Variants in CA10 observed in about 807,000 individuals in gnomAD.
CA10 encodes carbonic anhydrase-related protein 10.
A neutral mutation model predicts 44.2 loss-of-function variants in CA10; 14 were observed. The ratio of observed to expected loss-of-function variants is 0.32; its 90% confidence interval spans 0.21 to 0.50. CA10 has a LOEUF of 0.50. Among genes scored for constraint, CA10 ranks in the 20% least tolerant of loss-of-function variants. The probability of loss-of-function intolerance (pLI) is 0.99; values close to 1 mark genes in which losing one functional copy is unlikely to be tolerated. For synonymous variants in CA10, 159 were observed against 141.6 expected (o/e 1.12, Z -0.87); for missense variants, 350 against 409.7 (o/e 0.85, Z 1.26).
chr17:51,934,688 A>G (rs1365228163), intron 2 of CA10, among the ~76,000 whole-genome samples: 4 of 152,094 alleles, frequency 2.6e-5, no homozygotes, highest in Admixed American at 2.6e-4. Flanking sequence ...GCCTCTGAGG[A>G]GACCTGATGG....
intron 2 of CA10, among the ~76,000 whole-genome samples, chr17:52,031,761 T>A (rs967744337): frequency 6.6e-6 from 1 of 152,188 alleles, no homozygotes; most frequent in Non-Finnish European, 1.5e-5. Context: ...AATGCTAATA[T>A]CTTCTCCCAT....
intron 2 of CA10, among the ~76,000 whole-genome samples, chr17:52,048,202 T>C (rs1986966585): frequency 6.6e-6 from 1 of 152,032 alleles, no homozygotes; most frequent in Non-Finnish European, 1.5e-5. Context: ...TTCTTGGTTT[T>C]AGTATATATT....
intron 4 of CA10, among the ~76,000 whole-genome samples, chr17:51,705,341 C>T (rs1915730459): frequency 6.6e-6 from 1 of 152,158 alleles, no homozygotes; most frequent in South Asian, 2.1e-4. Context: ...AATGTTTCTT[C>T]CTTTTAGAGC....
chr17:51,995,969 A>G (rs570531953), intron 2 of CA10, among the ~76,000 whole-genome samples: 8 of 152,020 alleles, frequency 5.3e-5, no homozygotes, highest in African/African-American at 1.9e-4. Context: ...ACTCACTATT[A>G]TACTGTCAAA....
intron 2 of CA10, among the ~76,000 whole-genome samples, chr17:52,022,221 C>A (rs1225766130): frequency 4.6e-5 from 7 of 152,084 alleles, no homozygotes; most frequent in Non-Finnish European, 2.9e-5. Flanking sequence ...TACTAGCAAG[C>A]TGAAATCCAG....
chr17:51,787,387 T>C (rs1452582909), intron 3 of CA10, among the ~76,000 whole-genome samples: 1 of 152,222 alleles, frequency 6.6e-6, no homozygotes, highest in South Asian at 2.1e-4. Context: ...TAGGGATTTT[T>C]CCATTTCTCC....
intron 2 of CA10, among the ~76,000 whole-genome samples, chr17:52,020,123 G>A (rs1329256975): frequency 6.6e-6 from 1 of 151,778 alleles, no homozygotes; most frequent in Non-Finnish European, 1.5e-5. Flanking sequence ...CTTTTTAGTG[G>A]ATTGACCCTT....
rs916963943 is a variant in CA10, at chr17:51,830,212, A to G, written c.280-82394T>C. Among the ~76,000 whole-genome samples the G allele has an allele frequency of 6.0e-4, 88 of 147,042 alleles. 1 individual carries two copies. The highest frequency in any genetic ancestry group is 2.0e-3 in the African/African-American group (80 of 40,312). The stretch of plus-strand genomic sequence containing the variant: ...CTCCATCTCAAAAAAAAAAAAAAAA[A>G]AAAAGAAAAAGAAAAAAAAGAAAAA... On this transcript the variant is annotated intron_variant, in intron 3 of 8. Transcript: ENST00000451037.
chr17:52,147,459 A>C (rs1317353703), intron 1 of CA10, among the ~76,000 whole-genome samples: 2 of 151,982 alleles, frequency 1.3e-5, no homozygotes, highest in Non-Finnish European at 2.9e-5. Context: ...GGCTTAGTCA[A>C]GCTCTAATTT....
chr17:51,807,998 A>G (rs931154735), intron 3 of CA10, among the ~76,000 whole-genome samples: 2 of 152,214 alleles, frequency 1.3e-5, no homozygotes, highest in Admixed American at 6.5e-5. Flanking sequence ...AATGCAAGTT[A>G]TACCTCAATA....
intron 3 of CA10, among the ~76,000 whole-genome samples, chr17:51,917,170 G>A (rs1423630893): frequency 6.6e-6 from 1 of 152,140 alleles, no homozygotes; most frequent in Non-Finnish European, 1.5e-5. Flanking sequence ...AGATTTCTGT[G>A]GTGTTAACAC....
chr17:51,857,517 T>C (rs1014475127), intron 3 of CA10, among the ~76,000 whole-genome samples: 2 of 152,160 alleles, frequency 1.3e-5, no homozygotes, highest in African/African-American at 4.8e-5. Flanking sequence ...CACCATACCA[T>C]GCAGCACTAT....
chr17:52,155,008 C>T (rs1466455059), intron 1 of CA10, among the ~76,000 whole-genome samples: 1 of 152,174 alleles, frequency 6.6e-6, no homozygotes, highest in East Asian at 1.9e-4. Context: ...TACAAAGCGC[C>T]AATGTTTTCC....
chr17:51,894,045 C>T (rs1320052217), intron 3 of CA10, among the ~76,000 whole-genome samples: 2 of 152,206 alleles, frequency 1.3e-5, no homozygotes, highest in Middle Eastern at 3.4e-3. Flanking sequence ...TATAACACCA[C>T]TAGAAAAGTA....
chr17:51,741,147 G>A (rs1904446712), intron 4 of CA10, among the ~76,000 whole-genome samples: 1 of 152,204 alleles, frequency 6.6e-6, no homozygotes, highest in Non-Finnish European at 1.5e-5. Flanking sequence ...GTGGCCAAGT[G>A]TTGGCAGTGA....
Position 51,699,771 on chromosome 17 carries a change from G to A in CA10, c.466-46035C>T, listed in dbSNP as rs116797535. ...TCTATTCAATGAAAAATTCTCCCCAGCAGATGTGTATACCAGCTTCATCCC... is the reference window on the plus strand; with the variant it reads ...TCTATTCAATGAAAAATTCTCCCCAACAGATGTGTATACCAGCTTCATCCC... On this transcript the variant is annotated intron_variant, in intron 4 of 8. Coordinates refer to ENST00000451037, the MANE Select transcript of CA10 (RefSeq NM_020178.5). Among the ~76,000 whole-genome samples, 916 of 152,210 alleles carry A rather than the reference G, an allele frequency of 6.0e-3. 7 individuals are homozygous for A. Among genetic ancestry groups the A allele is most frequent in the African/African-American group, 0.021 (892 of 41,512 alleles).
chr17:52,122,733 T>C (rs1338785209), intron 1 of CA10, among the ~76,000 whole-genome samples: 2 of 152,208 alleles, frequency 1.3e-5, no homozygotes, highest in East Asian at 3.8e-4. Context: ...TTAAGCATTC[T>C]TAAACAGCTT....
chr17:52,132,212 A>T (rs1306998567), intron 1 of CA10, among the ~76,000 whole-genome samples: 3 of 152,128 alleles, frequency 2.0e-5, no homozygotes, highest in Non-Finnish European at 2.9e-5. Flanking sequence ...TTTTTAAATT[A>T]AAAAAATTAA....
chr17:52,008,149 A>G (rs1985665094), intron 2 of CA10, among the ~76,000 whole-genome samples: 1 of 151,720 alleles, frequency 6.6e-6, no homozygotes, highest in Non-Finnish European at 1.5e-5. Context: ...TGTATTGATC[A>G]TCTCTTCTTT....
Sources: gnomAD v4.1 joint callset for allele counts (sites outside exome capture counted in the v4.1 genomes callset) on GRCh38, gnomAD v4.1.1 for gene constraint, MANE v1.5 for transcripts, NCBI Gene and HGNC (gene_info 2026-07-23, HGNC 2026-07-21) for gene names.